The following DOK4 variants were observed in gnomAD, a reference collection of about 807,000 sequenced individuals.
DOK4 encodes downstream of tyrosine kinase 4.
Under a neutral mutation model 40.1 loss-of-function variants are expected in DOK4, and 26 were observed. That is an observed-to-expected ratio of 0.65 (90% confidence interval 0.48 to 0.90). The LOEUF (loss-of-function observed/expected upper bound fraction) is 0.90. Ranked by LOEUF, DOK4 falls within the 40% of genes least tolerant of loss-of-function variation. The pLI is 0.00. For synonymous variants in DOK4, 179 were observed against 177.0 expected (o/e 1.01, Z -0.09); for missense variants, 392 against 437.2 (o/e 0.90, Z 0.92).
Position 57,482,829 on chromosome 16 carries a change from A to G in DOK4, c.-181-3141T>C, listed in dbSNP as rs1294923519. On this transcript the variant is annotated intron_variant, in intron 1 of 8. Coordinates refer to ENST00000340099, the Ensembl canonical transcript of DOK4. ...AACTCCAAGGGCTGTGTGTATGTAT[A>G]TATATATAGTTTTCTTCAAGAGTTG... 2.0e-5 allele frequency among the ~76,000 whole-genome samples: 3 copies of G among 152,136 alleles called. No individual in the cohort carries two copies. The East Asian group carries it at 5.8e-4, about 29-fold the overall frequency.
At position 57,485,245 on chromosome 16, in the gene DOK4, G is replaced by C. The variant is rs1035028293; in HGVS notation, c.-182+1060C>G. On this transcript the variant is annotated intron_variant, in intron 1 of 8. Coordinates refer to ENST00000340099, the Ensembl canonical transcript of DOK4. The surrounding 1 kb of genome is among the most constrained non-coding windows in gnomAD (Gnocchi z 4.3). ...GGAAGAGCATGCTGCTGACATCGAG[G>C]CCAGGCCTAGTTGGGCGGCCCCACC... 1.3e-5 allele frequency among the ~76,000 whole-genome samples: 2 copies of C among 152,240 alleles called. No homozygotes were observed. The highest frequency in any genetic ancestry group is 6.5e-5 in the Admixed American group (1 of 15,288).
At chr16:57,473,910 C>G (rs1391635853) in exon 7 of DOK4, 6 of 1,532,664 alleles carry the variant, frequency 3.9e-6, no homozygotes, top group Non-Finnish European at 4.4e-6. Flanking sequence ...CCCTCACGTT[C>G]TTCTCCATTT....
At chr16:57,481,104 C>T (rs559434148) in intron 1 of DOK4, among the ~76,000 whole-genome samples, 2 of 152,304 alleles carry the variant, frequency 1.3e-5, no homozygotes, top group East Asian at 1.9e-4. Context: ...GCTGCCAGAA[C>T]GGGGCCCTGG....
chr16:57,479,090 TCAGAC>T lies in DOK4; in HGVS notation c.66+347_66+351del, dbSNP rs1468788072. Reference sequence around the variant, plus strand: ...GGGAAGTGAGACGCTGCTTCTCAGCTCAGACACAGCCCGGCCTTGCCAGCCGCCCC... The same window carrying T: ...GGGAAGTGAGACGCTGCTTCTCAGCTACAGCCCGGCCTTGCCAGCCGCCCC... On this transcript the variant is annotated intron_variant, in intron 2 of 8. Transcript: ENST00000340099. The surrounding 1 kb of genome is among the most constrained non-coding windows in gnomAD (Gnocchi z 5.8). Among the ~76,000 whole-genome samples the T allele has an allele frequency of 1.3e-5, 2 of 152,094 alleles. No individual in the cohort carries two copies. Among genetic ancestry groups the T allele is most frequent in the East Asian group, 3.9e-4 (2 of 5,180 alleles).
At chr16:57,474,173 G>T in intron 6 of DOK4, 134 bp from the exon 7 acceptor site, 2 of 1,180,118 alleles carry the variant, frequency 1.7e-6, no homozygotes, top group South Asian at 1.4e-5. Context: ...TGGTCTGGGG[G>T]TCCGACCACA....
Position 57,479,511 on chromosome 16 carries a change from T to A in DOK4, c.-4A>T. The A allele has an allele frequency of 6.2e-7, 1 of 1,613,408 alleles. No individual in the cohort carries two copies. The highest frequency in any genetic ancestry group is 1.1e-5 in the South Asian group (1 of 91,046). On this transcript the variant is annotated 5_prime_UTR_variant, in exon 2 of 9. Transcript: ENST00000340099. This position sits in a 1 kb window ranked among gnomAD's most constrained non-coding sequence, Gnocchi z 5.8. ...TGTCACTGAAATTGGTCGCCATGGT[T>A]TTCCCACCTTTTAGGGGCGCGGGGC...
exon 9 of DOK4, chr16:57,472,030 CT>C (rs2030868515): frequency 1.3e-5 from 2 of 152,804 alleles, no homozygotes. Context: ...CATCGTGCCA[CT>C]TAGCTGAGCC....
chr16:57,482,457 C>T (rs1479812348), intron 1 of DOK4, among the ~76,000 whole-genome samples: 2 of 149,310 alleles, frequency 1.3e-5, no homozygotes, highest in South Asian at 2.1e-4. Flanking sequence ...AGCTCCGCCT[C>T]CCGGGTTCAC....
At chr16:57,483,576 G>C (rs1158852894) in intron 1 of DOK4, among the ~76,000 whole-genome samples, 1 of 152,180 alleles carries the variant, frequency 6.6e-6, no homozygotes, top group South Asian at 2.1e-4. Flanking sequence ...GTAGCAGTGA[G>C]CTATGATCAA....
At chr16:57,472,638 C>T (rs1181482213) in exon 9 of DOK4, 1 of 152,572 alleles carries the variant, frequency 6.6e-6, no homozygotes, top group Non-Finnish European at 1.5e-5. Context: ...TCCAGCCTTC[C>T]TCCACATGGC....
At chr16:57,473,171 G>A (rs533470648) in exon 9 of DOK4, 132 of 655,338 alleles carry the variant, frequency 2.0e-4, no homozygotes, top group East Asian at 5.8e-4. Context: ...ATAGTCCCAC[G>A]GTAGCTCCAA....
chr16:57,480,380 AG>A (rs2031371464), intron 1 of DOK4: 2 of 152,348 alleles, frequency 1.3e-5, no homozygotes, highest in Non-Finnish European at 2.9e-5. Context: ...TTCCGCACGC[AG>A]CTCTGGGTGC....
In DOK4 at chr16:57,475,091, C is replaced by T. The variant is rs777385492; in HGVS notation, c.409+9G>A. 51 of 1,612,420 alleles carry T rather than the reference C, an allele frequency of 3.2e-5. No homozygotes were observed. The highest frequency in any genetic ancestry group is 1.6e-4 in the Middle Eastern group (1 of 6,076). On this transcript the variant is annotated intron_variant, in intron 5 of 8. Transcript: ENST00000340099. The stretch of plus-strand genomic sequence containing the variant: ...CCTCCCCACCCCCAGGGCCAGGGCC[C>T]GGCCTCACCTGTCTGTTCACACTGC...
At chr16:57,483,159 C>G (rs223826) in intron 1 of DOK4, among the ~76,000 whole-genome samples, 143,676 of 152,268 alleles carry the variant, frequency 0.94, 68,080 homozygotes, top group African/African-American at 0.99. Context: ...AAGAGGGGTT[C>G]GGAAGGGGAG....
At chr16:57,482,373 T>G (rs564291547) in intron 1 of DOK4, among the ~76,000 whole-genome samples, 31 of 144,000 alleles carry the variant, frequency 2.2e-4, no homozygotes, top group Middle Eastern at 7.0e-3. Context: ...GTTTTTTTTT[T>G]TTTTTTTTTT....
intron 8 of DOK4, 50 bp from the exon 9 acceptor site, chr16:57,473,545 CT>C: frequency 6.2e-7 from 1 of 1,614,256 alleles, no homozygotes; most frequent in Non-Finnish European, 8.5e-7. Flanking sequence ...CAAAAGACCC[CT>C]GCCCAATAGG....
At chr16:57,477,013 C>T (rs375746155) in intron 2 of DOK4, among the ~76,000 whole-genome samples, 29 of 152,338 alleles carry the variant, frequency 1.9e-4, no homozygotes, top group Admixed American at 1.6e-3. Flanking sequence ...CTCCTTCCAG[C>T]GGGCATTCCA....
At chr16:57,477,665 C>G (rs2031240521) in intron 2 of DOK4, among the ~76,000 whole-genome samples, 1 of 152,206 alleles carries the variant, frequency 6.6e-6, no homozygotes, top group Admixed American at 6.5e-5. Flanking sequence ...TCCCACTTCG[C>G]ACAGGGCTTT....
rs2146653292 is a variant in DOK4, at chr16:57,479,184, A to G, written c.66+258T>C. On this transcript the variant is annotated intron_variant, in intron 2 of 8. Coordinates refer to ENST00000340099, the Ensembl canonical transcript of DOK4. The surrounding 1 kb of genome is among the most constrained non-coding windows in gnomAD (Gnocchi z 5.8). ...AGCCGCCTGCCCATCGGTGGCCACC[A>G]TTGCTGCCACTACCACCACCACTGG... Among the ~76,000 whole-genome samples the G allele has an allele frequency of 6.6e-6, 1 of 152,316 alleles. No individual in the cohort carries two copies. Among genetic ancestry groups the G allele is most frequent in the South Asian group, 2.1e-4 (1 of 4,832 alleles).
Sources: gnomAD v4.1 joint callset for allele counts (sites outside exome capture counted in the v4.1 genomes callset) on GRCh38, gnomAD v4.1.1 for gene constraint, Gnocchi (gnomAD v3.1) non-coding constraint, MANE v1.5 for transcripts, NCBI Gene and HGNC (gene_info 2026-07-23, HGNC 2026-07-21) for gene names.